The following VWA8 variants were observed in gnomAD, a reference collection of about 807,000 sequenced individuals.
VWA8 encodes the protein von Willebrand factor A domain containing 8.
VWA8 carries 221 observed loss-of-function variants against 241.5 expected under a neutral mutation model. The ratio of observed to expected loss-of-function variants is 0.91; its 90% CI spans 0.82 to 1.02. The LOEUF (loss-of-function observed/expected upper bound fraction) is 1.02, where lower values mean the gene tolerates loss of function less well. Ranked by LOEUF, VWA8 falls within the 50% of genes least tolerant of loss-of-function variation. The probability of loss-of-function intolerance (pLI) is 0.00; values close to 1 mark genes in which losing one functional copy is unlikely to be tolerated. For synonymous variants in VWA8, 852 were observed against 827.1 expected (o/e 1.03, Z -0.52); for missense variants, 2,322 against 2,328.7 (o/e 1.00, Z 0.06).
chr13:41,569,710 A>G (rs1177344170), intron 44 of VWA8, among the ~76,000 whole-genome samples: 2 of 151,588 alleles, frequency 1.3e-5, no homozygotes, highest in African/African-American at 4.9e-5. Context: ...TATTTTAAAC[A>G]CAGAAAAACC....
chr13:41,582,733 CAT>C (rs2044391343), intron 42 of VWA8, among the ~76,000 whole-genome samples: 1 of 110,380 alleles, frequency 9.1e-6, no homozygotes, highest in Non-Finnish European at 1.9e-5. Flanking sequence ...GATCATATAA[CAT>C]AATGATACAG....
chr13:41,711,278 T>C (rs58804271), intron 26 of VWA8, among the ~76,000 whole-genome samples: 321 of 152,338 alleles, frequency 2.1e-3, no homozygotes, highest in African/African-American at 7.4e-3. Context: ...CGTTAAGGAC[T>C]ATTTAATTCA....
At chr13:41,644,032 C>T (rs2044814280) in intron 37 of VWA8, among the ~76,000 whole-genome samples, 1 of 152,036 alleles carries the variant, frequency 6.6e-6, no homozygotes, top group Non-Finnish European at 1.5e-5. Flanking sequence ...ATAGGTAAAA[C>T]CCAGTATCTT....
chr13:41,587,039 A>C (rs2044423173), intron 42 of VWA8, among the ~76,000 whole-genome samples: 1 of 152,208 alleles, frequency 6.6e-6, no homozygotes, highest in South Asian at 2.1e-4. Flanking sequence ...AAACAGTTGA[A>C]ATGGAAACCT....
intron 12 of VWA8, among the ~76,000 whole-genome samples, chr13:41,861,748 A>C (rs955587438): frequency 6.6e-6 from 1 of 152,204 alleles, no homozygotes; most frequent in African/African-American, 2.4e-5. Context: ...CAAGAAAGTA[A>C]AAGATCTTTT....
chr13:41,649,056 G>A lies in VWA8; in HGVS notation c.4611+21890C>T, dbSNP rs186985946. Among the ~76,000 whole-genome samples the A allele has an allele frequency of 5.9e-5, 9 of 152,056 alleles. No homozygotes were observed. The East Asian group carries it at 1.7e-3, about 29-fold the overall frequency. The stretch of plus-strand genomic sequence containing the variant: ...AAAAGTAGCTGGGCGTGGTGGGGGG[G>A]TGCCTGTAATCCCAGCTACTTGGGA... On this transcript the variant is annotated intron_variant, in intron 37 of 44. Transcript: ENST00000379310.
chr13:41,607,392 T>C (rs2044559912), intron 39 of VWA8, among the ~76,000 whole-genome samples: 1 of 152,216 alleles, frequency 6.6e-6, no homozygotes, highest in South Asian at 2.1e-4. Context: ...TGTATAGAAC[T>C]TGACCTCCTG....
intron 28 of VWA8, among the ~76,000 whole-genome samples, chr13:41,700,403 A>AT (rs1322633221): frequency 1.3e-5 from 2 of 152,120 alleles, no homozygotes; most frequent in Non-Finnish European, 2.9e-5. Flanking sequence ...CTATTTTTTT[A>AT]GGAGACAATG....
chr13:41,727,515 C>G (rs1056549367), intron 23 of VWA8, among the ~76,000 whole-genome samples: 3 of 152,076 alleles, frequency 2.0e-5, no homozygotes, highest in African/African-American at 7.2e-5. Context: ...AAAGCATATA[C>G]TAAATTGTAC....
At chr13:41,617,535 A>T (rs1163248649) in intron 37 of VWA8, among the ~76,000 whole-genome samples, 1 of 152,196 alleles carries the variant, frequency 6.6e-6, no homozygotes, top group African/African-American at 2.4e-5. Context: ...CATGTGCACA[A>T]CGTGCAGGTT....
chr13:41,759,552 T>G (rs2045724898), intron 21 of VWA8, among the ~76,000 whole-genome samples: 1 of 151,648 alleles, frequency 6.6e-6, no homozygotes, highest in Non-Finnish European at 1.5e-5. Context: ...TACAATTGTG[T>G]GTATGTGAAG....
intron 26 of VWA8, among the ~76,000 whole-genome samples, chr13:41,714,972 A>T (rs1233481129): frequency 6.6e-6 from 1 of 151,920 alleles, no homozygotes; most frequent in Non-Finnish European, 1.5e-5. Flanking sequence ...AATTCCCTGC[A>T]ATCTACATAT....
intron 19 of VWA8, among the ~76,000 whole-genome samples, chr13:41,779,874 A>T (rs1054680488): frequency 5.9e-5 from 9 of 152,212 alleles, no homozygotes; most frequent in Non-Finnish European, 2.9e-5. Flanking sequence ...ATATCTAACT[A>T]GATTATTCAA....
chr13:41,809,963 A>G (rs1003001462), intron 17 of VWA8, among the ~76,000 whole-genome samples: 2 of 152,190 alleles, frequency 1.3e-5, no homozygotes, highest in Non-Finnish European at 2.9e-5. Flanking sequence ...TTCTCAAAAG[A>G]AGAGATACAA....
chr13:41,681,052 A>G (rs766411554), intron 35 of VWA8, among the ~76,000 whole-genome samples: 1 of 152,184 alleles, frequency 6.6e-6, no homozygotes, highest in Non-Finnish European at 1.5e-5. Context: ...CTGCTAAGTC[A>G]GTTTAAACAG....
intron 1 of VWA8, 55 bp from the exon 2 acceptor site, chr13:41,950,068 A>G (rs2138164508): frequency 9.0e-7 from 1 of 1,107,146 alleles, no homozygotes; most frequent in South Asian, 1.5e-5. Context: ...AGAAAACCAT[A>G]GACTATGCAA....
At chr13:41,923,492 C>T (rs1373442512) in intron 2 of VWA8, among the ~76,000 whole-genome samples, 2 of 152,076 alleles carry the variant, frequency 1.3e-5, no homozygotes. Flanking sequence ...AATGTATCCA[C>T]TTTTGCCTTG....
At chr13:41,678,017 GACATC>G (rs1452435174) in intron 35 of VWA8, among the ~76,000 whole-genome samples, 1 of 152,192 alleles carries the variant, frequency 6.6e-6, no homozygotes, top group African/African-American at 2.4e-5. Context: ...TTTTGCGCCA[GACATC>G]ATATGAAACA....
chr13:41,649,634 G>A (rs2044856341), intron 37 of VWA8, among the ~76,000 whole-genome samples: 1 of 148,492 alleles, frequency 6.7e-6, no homozygotes, highest in Non-Finnish European at 1.5e-5. Context: ...CAAGTTGATT[G>A]TTTTTTCATT....
Sources: allele counts gnomAD v4.1 joint callset (sites outside exome capture counted in the v4.1 genomes callset), GRCh38; gene constraint gnomAD v4.1.1; transcripts MANE v1.5; gene names NCBI Gene and HGNC (gene_info 2026-07-23, HGNC 2026-07-21).